Variants in NRG1 observed in about 807,000 individuals in gnomAD.
NRG1 encodes pro-neuregulin-1, membrane-bound isoform.
NRG1 carries 18 observed loss-of-function variants against 63.8 expected under a neutral mutation model. That is an observed-to-expected ratio of 0.28 (90% CI 0.19 to 0.42). The LOEUF (loss-of-function observed/expected upper bound fraction) is 0.42. Ranked by LOEUF, NRG1 falls within the 10% of genes least tolerant of loss-of-function variation. NRG1 has a pLI of 1.00. For missense variants in NRG1, 762 were observed against 814.7 expected (o/e 0.94, Z 0.79); for synonymous variants, 302 against 301.3 (o/e 1.00, Z -0.02).
At chr8:31,715,812 A>G (rs760070016) in intron 1 of NRG1, among the ~76,000 whole-genome samples, 3 of 152,170 alleles carry the variant, frequency 2.0e-5, no homozygotes, top group Non-Finnish European at 2.9e-5. Flanking sequence ...TTGAACTACT[A>G]TATGGATTGG....
chr8:32,226,154 A>G (rs1452982941), intron 1 of NRG1, among the ~76,000 whole-genome samples: 2 of 152,204 alleles, frequency 1.3e-5, no homozygotes, highest in African/African-American at 4.8e-5. Context: ...TAAATGGAAC[A>G]TTTGACTTTA....
At chr8:31,744,507 G>C (rs1815652535) in intron 1 of NRG1, among the ~76,000 whole-genome samples, 1 of 151,988 alleles carries the variant, frequency 6.6e-6, no homozygotes, top group South Asian at 2.1e-4. Context: ...CCCAATAGCA[G>C]GAAGGTTTAC....
At chr8:32,269,060 C>A (rs1299859541) in intron 1 of NRG1, among the ~76,000 whole-genome samples, 2 of 152,060 alleles carry the variant, frequency 1.3e-5, no homozygotes, top group African/African-American at 4.8e-5. Flanking sequence ...CTCCTTCCCT[C>A]CTTCCCTCTC....
At chr8:32,477,607 G>A (rs1824693801) in intron 1 of NRG1, among the ~76,000 whole-genome samples, 2 of 152,148 alleles carry the variant, frequency 1.3e-5, no homozygotes, top group Admixed American at 6.5e-5. Flanking sequence ...CTTTGGCATA[G>A]TTTTACCACC....
At chr8:32,703,086 T>C (rs936652291) in intron 5 of NRG1, among the ~76,000 whole-genome samples, 13 of 152,178 alleles carry the variant, frequency 8.5e-5, no homozygotes, top group Non-Finnish European at 1.8e-4. Flanking sequence ...CAGAAATATT[T>C]TTATATTTGA....
At chr8:31,884,026 A>C (rs977604138) in intron 1 of NRG1, among the ~76,000 whole-genome samples, 1 of 152,182 alleles carries the variant, frequency 6.6e-6, no homozygotes, top group East Asian at 1.9e-4. Context: ...GTTGATCAGT[A>C]AATGTTTTGA....
At chr8:31,985,673 T>C (rs1809940003) in intron 1 of NRG1, among the ~76,000 whole-genome samples, 2 of 152,128 alleles carry the variant, frequency 1.3e-5, no homozygotes, top group Non-Finnish European at 2.9e-5. Context: ...TTTAACCATT[T>C]CAGATATTTC....
chr8:32,208,906 T>C (rs1232399256), intron 1 of NRG1, among the ~76,000 whole-genome samples: 3 of 152,182 alleles, frequency 2.0e-5, no homozygotes, highest in Non-Finnish European at 4.4e-5. Context: ...TGTTTTCTTA[T>C]ACATACCTTC....
At chr8:32,549,619 A>G (rs576361026) in intron 1 of NRG1, among the ~76,000 whole-genome samples, 1 of 152,184 alleles carries the variant, frequency 6.6e-6, no homozygotes, top group African/African-American at 2.4e-5. Flanking sequence ...TTTGAACCCA[A>G]TTGTTTGCTG....
intron 5 of NRG1, among the ~76,000 whole-genome samples, chr8:32,671,069 C>T (rs918280898): frequency 1.2e-4 from 18 of 151,704 alleles, no homozygotes; most frequent in African/African-American, 4.4e-4. Flanking sequence ...GAAACTTTTG[C>T]CACTTAATTA....
intron 1 of NRG1, among the ~76,000 whole-genome samples, chr8:32,366,197 T>C (rs1807952210): frequency 6.6e-6 from 1 of 152,170 alleles, no homozygotes; most frequent in African/African-American, 2.4e-5. Context: ...TTTCTTTGTG[T>C]TGGGAACAAT....
In NRG1 at chr8:31,640,368, C is replaced by T. The variant is rs1803624466; in HGVS notation, c.37+937C>T. On this transcript the variant is annotated intron_variant, in intron 1 of 10. Transcript: ENST00000519301. This position sits in a 1 kb window ranked among gnomAD's most constrained non-coding sequence, Gnocchi z 6.3. ...CGGGCCCACGGGCGCTGGGGCCGCC[C>T]GCCGAGGAGCCGCTGCTCGCCGCCA... 1.6e-6 allele frequency: 2 copies of T among 1,261,584 alleles called. No homozygotes were observed. Among genetic ancestry groups the T allele is most frequent in the South Asian group, 3.0e-5 (1 of 33,604 alleles). 78.1% of individuals were successfully genotyped at this position (1,261,584 alleles called of 1,614,324 possible).
chr8:32,062,678 G>T lies in NRG1; in HGVS notation c.37+423247G>T, dbSNP rs376000073. ...CCCTTTCTTTTCTCACCTCTTGACAGAATGTTTTTCTAAATGATTCCTTCA... is the reference window on the plus strand; with the variant it reads ...CCCTTTCTTTTCTCACCTCTTGACATAATGTTTTTCTAAATGATTCCTTCA... On this transcript the variant is annotated intron_variant, in intron 1 of 10. Transcript: ENST00000519301. Among the ~76,000 whole-genome samples, 26 of 152,170 alleles carry T rather than the reference G, an allele frequency of 1.7e-4. No individual in the cohort carries two copies. In the East Asian group the frequency reaches 1.9e-3, roughly 11 times the overall value.
chr8:31,836,311 T>C (rs757611836), intron 1 of NRG1, among the ~76,000 whole-genome samples: 1 of 152,198 alleles, frequency 6.6e-6, no homozygotes, highest in Non-Finnish European at 1.5e-5. Flanking sequence ...ACTGTGACTT[T>C]ATCATATTTA....
At chr8:32,755,430 T>C (rs1829497206) in intron 8 of NRG1, among the ~76,000 whole-genome samples, 1 of 152,126 alleles carries the variant, frequency 6.6e-6, no homozygotes, top group Non-Finnish European at 1.5e-5. Context: ...AAAGCATGGA[T>C]TGTATTTTGT....
chr8:32,076,626 T>C (rs1442770200), intron 1 of NRG1, among the ~76,000 whole-genome samples: 1 of 152,000 alleles, frequency 6.6e-6, no homozygotes, highest in Admixed American at 6.6e-5. Flanking sequence ...TATACTAGGC[T>C]TAATACCTGG....
chr8:32,283,956 T>C (rs183728793), intron 1 of NRG1, among the ~76,000 whole-genome samples: 7 of 152,272 alleles, frequency 4.6e-5, no homozygotes, highest in Admixed American at 4.6e-4. Context: ...ATTTTTCTCT[T>C]CTGTTCTTGT....
chr8:32,612,617 T>A (rs1846551209), intron 3 of NRG1, among the ~76,000 whole-genome samples: 1 of 152,054 alleles, frequency 6.6e-6, no homozygotes, highest in Non-Finnish European at 1.5e-5. Context: ...AAATGAAACA[T>A]TATGGTTAAC....
chr8:32,500,178 A>G (rs956266316), intron 1 of NRG1, among the ~76,000 whole-genome samples: 1 of 152,124 alleles, frequency 6.6e-6, no homozygotes, highest in Non-Finnish European at 1.5e-5. Flanking sequence ...GTAATTTAGC[A>G]CGTAGGCTTT....
Sources: gnomAD v4.1 joint callset for allele counts (sites outside exome capture counted in the v4.1 genomes callset) on GRCh38, gnomAD v4.1.1 for gene constraint, Gnocchi (gnomAD v3.1) non-coding constraint, MANE v1.5 for transcripts, NCBI Gene and HGNC (gene_info 2026-07-23, HGNC 2026-07-21) for gene names.